Variants in PVR observed in about 807,000 individuals in gnomAD.
The protein encoded by PVR is PVR cell adhesion molecule.
PVR carries 39 observed loss-of-function variants against 43.3 expected under a neutral mutation model. The ratio of observed to expected loss-of-function variants is 0.90; its 90% CI spans 0.70 to 1.18. The LOEUF (loss-of-function observed/expected upper bound fraction) is 1.18. Ranked by LOEUF, PVR falls within the 50% of genes most tolerant of loss-of-function variation. The pLI, the probability that PVR is intolerant of heterozygous loss-of-function variation, is 0.00. For synonymous variants in PVR, 224 were observed against 233.2 expected (o/e 0.96, Z 0.36); for missense variants, 480 against 549.7 (o/e 0.87, Z 1.27).
Position 44,658,830 on chromosome 19 carries a change from G to C in PVR, c.1080G>C (p.Gly360=), listed in dbSNP as rs776870687. 6 of 1,614,002 alleles carry C rather than the reference G, an allele frequency of 3.7e-6. No individual in the cohort carries two copies. The highest frequency in any genetic ancestry group is 5.1e-6 in the Non-Finnish European group (6 of 1,179,998). The change falls in exon 6 of 8, where the codon GGG becomes GGC. Residue 360 remains glycine (G), a synonymous_variant. Transcript: ENST00000425690. ...LGILVFLILL[G]IGIYFYWSKC... is the part of the protein sequence containing the mutation. ...TCCTGGTTTTTCTGATCCTGCTGGG[G>C]ATCGGGATTTATTTCTATTGGTCCA...
At chr19:44,645,269 TATA>T (rs1401507932) in intron 1 of PVR, among the ~76,000 whole-genome samples, 31 of 110,472 alleles carry the variant, frequency 2.8e-4, no homozygotes, top group East Asian at 4.4e-4. Context: ...ATTGATAATA[TATA>T]ATAATATATT....
chr19:44,647,077 T>TACCCCCC, intron 1 of PVR, 146 bp from the exon 2 acceptor site: 1 of 311,372 alleles, frequency 3.2e-6, no homozygotes, highest in Non-Finnish European at 5.7e-6. Context: ...GTGCCCCAGT[T>TACCCCCC]CCCCCTCCCC....
At chr19:44,645,255 T>G (rs1350726709) in intron 1 of PVR, among the ~76,000 whole-genome samples, 1 of 107,604 alleles carries the variant, frequency 9.3e-6, no homozygotes, top group Non-Finnish European at 1.7e-5. Context: ...TTATGTATTA[T>G]ATAATTGATA....
rs943053627 is a variant in PVR at position 44,665,876 on chromosome 19, CCT to C, written c.*4067_*4068del. The C allele has an allele frequency of 5.3e-5, 8 of 152,316 alleles. No homozygotes were observed. Among genetic ancestry groups the C allele is most frequent in the African/African-American group, 1.9e-4 (8 of 41,428 alleles). The allele number at this position is 152,316 out of a possible 1,614,324, so 9.4% of individuals were successfully genotyped here. On this transcript the variant is annotated 3_prime_UTR_variant, in exon 8 of 8. Transcript: ENST00000425690. ...GAGAAACCGCATCCAGCAGCAGAAA[CCT>C]CACCCAGCAGCGTCTTTTCCGGTCT... is the stretch of plus-strand genomic sequence containing the variant.
At position 44,653,975 on chromosome 19, in the gene PVR, A is replaced by ATGCTC; in HGVS notation, c.801_805dup (p.Arg269LeufsTer32). 6.2e-7 allele frequency: 1 copy of ATGCTC among 1,614,196 alleles called. No individual in the cohort carries two copies. The highest frequency in any genetic ancestry group is 2.2e-5 in the East Asian group (1 of 44,884). The stretch of plus-strand genomic sequence containing the variant: ...CAGAATGAGGCCACCCTGACCTGCG[A>ATGCTC]TGCTCGCAGCAACCCAGAGCCCACA... On this transcript the variant is annotated frameshift_variant, in exon 4 of 8. Coordinates refer to ENST00000425690, the MANE Select transcript of PVR (RefSeq NM_006505.5). LOFTEE classifies it high-confidence loss of function.
intron 1 of PVR, among the ~76,000 whole-genome samples, chr19:44,646,493 G>T: frequency 6.6e-6 from 1 of 152,118 alleles, no homozygotes; most frequent in Non-Finnish European, 1.5e-5. Flanking sequence ...GGCCAGGTGC[G>T]GTGGCTCATA....
chr19:44,646,301 C>G (rs1030003787), intron 1 of PVR, among the ~76,000 whole-genome samples: 1 of 152,150 alleles, frequency 6.6e-6, no homozygotes, highest in African/African-American at 2.4e-5. Flanking sequence ...CTCAATCCCC[C>G]ACATTCTTCC....
chr19:44,655,554 C>G (rs947001558), intron 4 of PVR, among the ~76,000 whole-genome samples: 2 of 152,190 alleles, frequency 1.3e-5, no homozygotes, highest in African/African-American at 2.4e-5. Context: ...TTTTTTCTCT[C>G]TGTTTCTAAA....
At chr19:44,661,638 A>C (rs1457992776) in intron 7 of PVR, 102 bp from the exon 8 acceptor site, 1 of 1,041,178 alleles carries the variant, frequency 9.6e-7, no homozygotes, top group Admixed American at 2.0e-5. Flanking sequence ...GGGAGAGAGG[A>C]GGGGACGGGC....
chr19:44,647,461 C>G lies in PVR; in HGVS notation c.318C>G (p.Ala106=), dbSNP rs760001634. The G allele has an allele frequency of 6.2e-7, 1 of 1,614,140 alleles. No individual in the cohort carries two copies. Among genetic ancestry groups the G allele is most frequent in the Admixed American group, 1.7e-5 (1 of 60,016 alleles). The part of the protein sequence containing the change: ...AARLGAELRN[A]SLRMFGLRVE... ...GACTGGGCGCGGAGCTGCGGAATGC[C>G]TCGCTGAGGATGTTCGGGTTGCGCG... The change falls in exon 2 of 8, where the codon GCC becomes GCG. Residue 106 remains alanine (A), a synonymous_variant. Transcript: ENST00000425690.
intron 6 of PVR, 47 bp downstream of exon 6, chr19:44,658,947 T>C: frequency 6.4e-7 from 1 of 1,566,940 alleles, no homozygotes; most frequent in Non-Finnish European, 8.7e-7. Flanking sequence ...CTACGGGCTC[T>C]GTGCTGAGTC....
At chr19:44,648,586 A>G (rs1442271101) in intron 2 of PVR, among the ~76,000 whole-genome samples, 1 of 152,000 alleles carries the variant, frequency 6.6e-6, no homozygotes, top group Non-Finnish European at 1.5e-5. Flanking sequence ...TCCTGGGCTC[A>G]AGGGATGTTC....
At chr19:44,649,414 T>G (rs889476212) in intron 2 of PVR, among the ~76,000 whole-genome samples, 14 of 149,734 alleles carry the variant, frequency 9.3e-5, no homozygotes, top group African/African-American at 3.4e-4. Flanking sequence ...ATTTAAACCA[T>G]GCCATTCTGT....
At chr19:44,647,884 A>T (rs1296643441) in intron 2 of PVR, among the ~76,000 whole-genome samples, 1 of 151,578 alleles carries the variant, frequency 6.6e-6, no homozygotes, top group Non-Finnish European at 1.5e-5. Flanking sequence ...GAAGGAAGGG[A>T]GGAGGCCTGG....
Position 44,650,003 on chromosome 19 carries a change from T to A in PVR, c.622T>A (p.Leu208Met), listed in dbSNP as rs1476051890. 1 of 1,606,112 alleles carries A rather than the reference T, an allele frequency of 6.2e-7. No homozygotes were observed. The highest frequency in any genetic ancestry group is 1.3e-5 in the African/African-American group (1 of 74,778). Residue 208 changes from leucine to methionine, a missense_variant, in exon 3 of 8, where the codon TTG (leucine) becomes ATG (methionine). Physicochemically the swap from Leu to Met is conservative, Grantham distance 15 (BLOSUM62 2). Coordinates refer to ENST00000425690, the MANE Select transcript of PVR (RefSeq NM_006505.5). Reference protein sequence around the residue: ...GTVTVTSLWILVPSSQVDGKN... With the variant: ...GTVTVTSLWIMVPSSQVDGKN... The stretch of plus-strand genomic sequence containing the variant: ...AGTCACTGTCACCAGCCTCTGGATA[T>A]TGGTGCCCTCAAGCCAGGTGGACGG...
chr19:44,653,598 A>C, intron 3 of PVR: 1 of 300,346 alleles, frequency 3.3e-6, no homozygotes, highest in Non-Finnish European at 6.5e-6. Flanking sequence ...ATTGCCTATG[A>C]GTGAGAAAAG....
chr19:44,649,171 G>T (rs1973209955), intron 2 of PVR, among the ~76,000 whole-genome samples: 1 of 152,144 alleles, frequency 6.6e-6, no homozygotes, highest in African/African-American at 2.4e-5. Flanking sequence ...GAGTCCGTCT[G>T]CCCCCTTGGA....
chr19:44,658,821 C>T lies in PVR; in HGVS notation c.1071C>T (p.Ile357=). The change falls in exon 6 of 8, where the codon ATC becomes ATT. Residue 357 remains isoleucine, a synonymous_variant. Coordinates refer to ENST00000425690, the MANE Select transcript of PVR (RefSeq NM_006505.5). ...TTCTGGGAATCCTGGTTTTTCTGAT[C>T]CTGCTGGGGATCGGGATTTATTTCT... is the stretch of plus-strand genomic sequence containing the variant. ...FLVLGILVFL[I]LLGIGIYFYW... 1 of 1,614,072 alleles carries T rather than the reference C, an allele frequency of 6.2e-7. No individual in the cohort carries two copies. Among genetic ancestry groups the T allele is most frequent in the East Asian group, 2.2e-5 (1 of 44,882 alleles).
At chr19:44,661,018 G>A (rs1973576607) in intron 6 of PVR, among the ~76,000 whole-genome samples, 1 of 152,230 alleles carries the variant, frequency 6.6e-6, no homozygotes, top group South Asian at 2.1e-4. Context: ...CTAAAGGACA[G>A]AGATGGAATT....
Sources: allele counts gnomAD v4.1 joint callset (sites outside exome capture counted in the v4.1 genomes callset), GRCh38; gene constraint gnomAD v4.1.1; transcripts MANE v1.5; gene names NCBI Gene and HGNC (gene_info 2026-07-23, HGNC 2026-07-21).